The following IGF2BP2 variants were observed in gnomAD, a reference collection of about 807,000 sequenced individuals.
IGF2BP2 encodes the protein insulin like growth factor 2 mRNA binding protein 2.
A neutral mutation model predicts 75.8 loss-of-function variants in IGF2BP2; 17 were observed. The ratio of observed to expected loss-of-function variants is 0.22; its 90% CI spans 0.15 to 0.34. IGF2BP2 has a LOEUF of 0.34. Among genes scored for constraint, IGF2BP2 ranks in the 10% least tolerant of loss-of-function variants. IGF2BP2 has a pLI of 1.00. For missense variants in IGF2BP2, 516 were observed against 772.4 expected (o/e 0.67, Z 3.93); for synonymous variants, 288 against 295.6 (o/e 0.97, Z 0.26).
rs35418660 is a variant in IGF2BP2 at position 185,769,830 on chromosome 3, CAAAAAA to C, written c.239+53317_239+53322del. On this transcript the variant is annotated intron_variant, in intron 2 of 15. Transcript: ENST00000382199. ...GGATGATAGAATGAGACCCTGTCTC[CAAAAAA>C]AAAAAAAAAAAAAAAAAGAAACAAT... Among the ~76,000 whole-genome samples, 11 of 77,208 alleles carry C rather than the reference CAAAAAA, an allele frequency of 1.4e-4. No homozygotes were observed. The East Asian group carries it at 3.0e-3, about 21-fold the overall frequency. 50.7% of individuals were successfully genotyped at this position (77,208 alleles called of 152,430 possible).
Position 185,813,103 on chromosome 3 carries a change from T to C in IGF2BP2, c.239+10050A>G, listed in dbSNP as rs76640508. 1.2e-3 allele frequency among the ~76,000 whole-genome samples: 183 copies of C among 152,352 alleles called. 1 individual carries two copies. The highest frequency in any genetic ancestry group is 4.2e-3 in the African/African-American group (174 of 41,592). On this transcript the variant is annotated intron_variant, in intron 2 of 15. Transcript: ENST00000382199. ...TATATTAGAACCAATCACCTGTTCCTGGGCCCTTTGTAACTCTTAAAATGC... is the reference window on the plus strand; with the variant it reads ...TATATTAGAACCAATCACCTGTTCCCGGGCCCTTTGTAACTCTTAAAATGC...
intron 2 of IGF2BP2, among the ~76,000 whole-genome samples, chr3:185,818,076 T>A (rs1482966893): frequency 6.6e-6 from 1 of 152,222 alleles, no homozygotes; most frequent in African/African-American, 2.4e-5. Flanking sequence ...TTTTTAAGTC[T>A]CCAAAGAAAC....
In IGF2BP2 at chr3:185,790,496, T is replaced by C. The variant is rs536897005; in HGVS notation, c.239+32657A>G. 2.6e-5 allele frequency among the ~76,000 whole-genome samples: 4 copies of C among 152,276 alleles called. No individual in the cohort carries two copies. In the South Asian group the frequency reaches 8.3e-4, roughly 32 times the overall value. Reference sequence around the variant, plus strand: ...TATACTAATCTATGGAAAGAAATCTTCCATCACAAAGAGAATAACAAGAAA... The same window carrying C: ...TATACTAATCTATGGAAAGAAATCTCCCATCACAAAGAGAATAACAAGAAA... On this transcript the variant is annotated intron_variant, in intron 2 of 15. Transcript: ENST00000382199.
chr3:185,729,656 C>T (rs1428662623), intron 2 of IGF2BP2: 3 of 152,268 alleles, frequency 2.0e-5, no homozygotes, highest in East Asian at 1.9e-4. Flanking sequence ...AGAATATTAA[C>T]GTTCATATGC....
intron 2 of IGF2BP2, among the ~76,000 whole-genome samples, chr3:185,804,532 T>C (rs1289084450): frequency 6.6e-6 from 1 of 152,294 alleles, no homozygotes; most frequent in East Asian, 1.9e-4. Flanking sequence ...GAAGGTCCAG[T>C]AGGATTGTTT....
At chr3:185,801,221 G>A (rs1461690934) in intron 2 of IGF2BP2, among the ~76,000 whole-genome samples, 2 of 152,202 alleles carry the variant, frequency 1.3e-5, no homozygotes, top group Non-Finnish European at 2.9e-5. Context: ...TGGGCACGGT[G>A]GCTCACGCCA....
chr3:185,801,673 A>G (rs1738301063), intron 2 of IGF2BP2, among the ~76,000 whole-genome samples: 1 of 152,246 alleles, frequency 6.6e-6, no homozygotes, highest in Non-Finnish European at 1.5e-5. Flanking sequence ...TACTGAGTGT[A>G]TACCCAAAGG....
chr3:185,821,271 A>G, intron 2 of IGF2BP2: 1 of 668,374 alleles, frequency 1.5e-6, no homozygotes, highest in South Asian at 2.8e-5. Flanking sequence ...TTTTCAGTGT[A>G]GTGAATCATA....
chr3:185,690,473 T>C (rs1156861288), intron 5 of IGF2BP2, among the ~76,000 whole-genome samples: 1 of 152,224 alleles, frequency 6.6e-6, no homozygotes, highest in Non-Finnish European at 1.5e-5. Flanking sequence ...TCAGTATAAT[T>C]TACACATGAC....
chr3:185,675,062 C>A, intron 9 of IGF2BP2: 4 of 184,666 alleles, frequency 2.2e-5, no homozygotes, highest in East Asian at 3.0e-4. Flanking sequence ...AACACTATAT[C>A]ATAAGCTTTT....
At chr3:185,669,319 G>T (rs1037554449) in intron 10 of IGF2BP2, among the ~76,000 whole-genome samples, 1 of 151,986 alleles carries the variant, frequency 6.6e-6, no homozygotes, top group Non-Finnish European at 1.5e-5. Flanking sequence ...CATTCCAAGA[G>T]TGAAAATTTG....
intron 2 of IGF2BP2, among the ~76,000 whole-genome samples, chr3:185,731,144 G>A (rs1728105946): frequency 6.6e-6 from 1 of 151,904 alleles, no homozygotes; most frequent in Non-Finnish European, 1.5e-5. Flanking sequence ...ATTTTTAAGA[G>A]TATAAAGGGA....
In IGF2BP2 at chr3:185,650,274, T is replaced by A. The variant is rs188664118; in HGVS notation, c.1462-740A>T. The stretch of plus-strand genomic sequence containing the variant: ...AGGCAGAGGAGCCAAGAACCTATCT[T>A]TCTTTTTTTTTTTTAGTGAAAAAGA... On this transcript the variant is annotated intron_variant, in intron 13 of 15. Transcript: ENST00000382199. 9.8e-4 allele frequency among the ~76,000 whole-genome samples: 145 copies of A among 148,358 alleles called. 2 individuals carry two copies. Among genetic ancestry groups the A allele is most frequent in the African/African-American group, 3.4e-3 (133 of 38,566 alleles).
chr3:185,661,854 G>A (rs1272540150), intron 10 of IGF2BP2, among the ~76,000 whole-genome samples: 1 of 152,000 alleles, frequency 6.6e-6, no homozygotes, highest in Non-Finnish European at 1.5e-5. Flanking sequence ...TGAGTGGTCT[G>A]GAAAAGACTG....
intron 2 of IGF2BP2, among the ~76,000 whole-genome samples, chr3:185,813,007 C>T (rs2150022667): frequency 6.6e-6 from 1 of 152,286 alleles, no homozygotes; most frequent in South Asian, 2.1e-4. Flanking sequence ...ACACAACATA[C>T]CATTAATATG....
intron 2 of IGF2BP2, among the ~76,000 whole-genome samples, chr3:185,742,955 T>C (rs943534983): frequency 5.3e-5 from 8 of 151,790 alleles, no homozygotes; most frequent in African/African-American, 1.7e-4. Context: ...AAAAATTAGC[T>C]GAGCATGGTG....
At chr3:185,821,372 T>C (rs1392905373) in intron 2 of IGF2BP2, among the ~76,000 whole-genome samples, 1 of 152,220 alleles carries the variant, frequency 6.6e-6, no homozygotes, top group Admixed American at 6.5e-5. Context: ...AAATCCTAGA[T>C]TGCTCTTTAT....
At chr3:185,746,417 A>AC (rs1347675401) in intron 2 of IGF2BP2, among the ~76,000 whole-genome samples, 1 of 152,068 alleles carries the variant, frequency 6.6e-6, no homozygotes, top group Non-Finnish European at 1.5e-5. Context: ...CACGTGAGCA[A>AC]CTCCATGTTC....
intron 2 of IGF2BP2, among the ~76,000 whole-genome samples, chr3:185,813,861 C>G (rs926137434): frequency 6.6e-6 from 1 of 152,210 alleles, no homozygotes; most frequent in Non-Finnish European, 1.5e-5. Context: ...ACTGCCAGCC[C>G]TTTCCAGCCA....
Sources: allele counts gnomAD v4.1 joint callset (sites outside exome capture counted in the v4.1 genomes callset), GRCh38; gene constraint gnomAD v4.1.1; transcripts MANE v1.5; gene names NCBI Gene and HGNC (gene_info 2026-07-23, HGNC 2026-07-21).